Variants in CBLB observed in about 807,000 individuals in gnomAD.
CBLB encodes E3 ubiquitin-protein ligase CBL-B.
A neutral mutation model predicts 104.9 loss-of-function variants in CBLB; 31 were observed. That is an observed-to-expected ratio of 0.30 (90% confidence interval 0.22 to 0.40). CBLB has a LOEUF of 0.40. Ranked by LOEUF, CBLB falls within the 10% of genes least tolerant of loss-of-function variation. The pLI is 1.00. For missense variants in CBLB, 1,062 were observed against 1,214.6 expected (o/e 0.87, Z 1.87); for synonymous variants, 440 against 422.6 (o/e 1.04, Z -0.51).
intron 3 of CBLB, among the ~76,000 whole-genome samples, chr3:105,847,498 A>G (rs1033922886): frequency 6.6e-6 from 1 of 151,916 alleles, no homozygotes; most frequent in African/African-American, 2.4e-5. Context: ...CTGAAATGAC[A>G]TTAATGTTAA....
At chr3:105,823,159 T>C (rs1431425867) in intron 3 of CBLB, among the ~76,000 whole-genome samples, 1 of 152,180 alleles carries the variant, frequency 6.6e-6, no homozygotes, top group Non-Finnish European at 1.5e-5. Flanking sequence ...AATGCAAACA[T>C]TGTCTCTGAC....
intron 18 of CBLB, among the ~76,000 whole-genome samples, chr3:105,664,916 G>A (rs1017617441): frequency 6.6e-6 from 1 of 152,072 alleles, no homozygotes; most frequent in Non-Finnish European, 1.5e-5. Flanking sequence ...GTCTGGAGAC[G>A]TGAGATGCAT....
chr3:105,696,410 C>T (rs2152764344), intron 12 of CBLB, among the ~76,000 whole-genome samples: 1 of 151,894 alleles, frequency 6.6e-6, no homozygotes, highest in South Asian at 2.1e-4. Flanking sequence ...ATTTTAGCTG[C>T]CACTACCTGA....
At chr3:105,748,391 A>G (rs1343315425) in intron 5 of CBLB, among the ~76,000 whole-genome samples, 4 of 152,098 alleles carry the variant, frequency 2.6e-5, no homozygotes, top group African/African-American at 9.7e-5. Flanking sequence ...TCACTATTCC[A>G]TTGATGCTAC....
chr3:105,805,032 C>T (rs2083332293), intron 3 of CBLB, among the ~76,000 whole-genome samples: 1 of 152,154 alleles, frequency 6.6e-6, no homozygotes, highest in African/African-American at 2.4e-5. Flanking sequence ...CAGGCCCTTA[C>T]CATCACTTAT....
At chr3:105,672,231 A>G (rs2065144860) in intron 17 of CBLB, 2 of 186,026 alleles carry the variant, frequency 1.1e-5, no homozygotes, top group South Asian at 2.0e-4. Context: ...CTTCAGAGCC[A>G]TACATAGACT....
intron 4 of CBLB, 40 bp downstream of exon 4, chr3:105,776,356 G>A (rs1387569441): frequency 6.3e-7 from 1 of 1,587,990 alleles, no homozygotes; most frequent in East Asian, 2.2e-5. Context: ...AGTAACCCTT[G>A]AAAGATAGAT....
chr3:105,733,887 CTT>C (rs2074614077), intron 9 of CBLB, 120 bp downstream of exon 9: 2 of 844,090 alleles, frequency 2.4e-6, no homozygotes, highest in Non-Finnish European at 3.8e-6. Flanking sequence ...CATATAAAAT[CTT>C]TACACAATCA....
intron 6 of CBLB, among the ~76,000 whole-genome samples, chr3:105,744,966 A>G (rs536647707): frequency 9.7e-4 from 147 of 152,146 alleles, no homozygotes; most frequent in Non-Finnish European, 1.6e-3. Context: ...AAAATGTTAT[A>G]AAGTACAAAC....
At chr3:105,766,402 G>T (rs1484123917) in intron 4 of CBLB, among the ~76,000 whole-genome samples, 6 of 152,128 alleles carry the variant, frequency 3.9e-5, no homozygotes, top group Non-Finnish European at 8.8e-5. Context: ...ACTCTATTGT[G>T]AGTAAAATAT....
In CBLB at chr3:105,805,408, G is replaced by A. The variant is rs76000680; in HGVS notation, c.420-28866C>T. Among the ~76,000 whole-genome samples the A allele has an allele frequency of 6.5e-3, 988 of 151,630 alleles. 33 individuals carry two copies. The highest frequency in any genetic ancestry group is 0.053 in the East Asian group (272 of 5,146). On this transcript the variant is annotated intron_variant, in intron 3 of 18. Coordinates refer to ENST00000394030, the MANE Select transcript of CBLB (RefSeq NM_170662.5). ...CAACCTCTGCCTTCCAGGTTCAAGC[G>A]ATTCCTGTGCCTCAGCTTCCCAAAT...
intron 3 of CBLB, among the ~76,000 whole-genome samples, chr3:105,843,082 G>A (rs903001859): frequency 6.6e-6 from 1 of 152,130 alleles, no homozygotes; most frequent in African/African-American, 2.4e-5. Flanking sequence ...GACTGTCTAT[G>A]TCTGCTTTCC....
chr3:105,811,188 G>A lies in CBLB; in HGVS notation c.420-34646C>T, dbSNP rs554725277. Among the ~76,000 whole-genome samples the A allele has an allele frequency of 3.3e-5, 5 of 152,246 alleles. No individual in the cohort carries two copies. In the East Asian group the frequency reaches 7.7e-4, roughly 23 times the overall value. On this transcript the variant is annotated intron_variant, in intron 3 of 18. Transcript: ENST00000394030. ...AAGTAGGATTTTAATTCTAATTTTT[G>A]ACATAGATCCAAGTTGATAGAACTA...
intron 9 of CBLB, among the ~76,000 whole-genome samples, chr3:105,722,038 A>G (rs548961892): frequency 6.6e-6 from 1 of 151,906 alleles, no homozygotes; most frequent in Non-Finnish European, 1.5e-5. Context: ...ATAAAAAATA[A>G]ATGTTTAAAA....
rs1173205759 is a variant in CBLB at position 105,658,638 on chromosome 3, C to G, written c.*332G>C. The G allele has an allele frequency of 2.8e-5, 11 of 399,344 alleles. No homozygotes were observed. Among genetic ancestry groups the G allele is most frequent in the African/African-American group, 2.0e-4 (10 of 50,736 alleles). 24.7% of individuals were successfully genotyped at this position (399,344 alleles called of 1,614,324 possible). On this transcript the variant is annotated 3_prime_UTR_variant, in exon 19 of 19. Transcript: ENST00000394030. ...ATCAAAACACCAAAACAAAACTAAA[C>G]TAAAAACAAGAACAAACTGCAACTT...
chr3:105,658,589 G>T lies in CBLB; in HGVS notation c.*381C>A. 1 of 313,766 alleles carries T rather than the reference G, an allele frequency of 3.2e-6. No homozygotes were observed. Among genetic ancestry groups the T allele is most frequent in the African/African-American group, 2.1e-5 (1 of 48,358 alleles). 19.4% of individuals were successfully genotyped at this position (313,766 alleles called of 1,614,324 possible). A position where few individuals can be genotyped will look rare whatever the true frequency, so the allele number is the denominator to read the frequency against. On this transcript the variant is annotated 3_prime_UTR_variant, in exon 19 of 19. Coordinates refer to ENST00000394030, the MANE Select transcript of CBLB (RefSeq NM_170662.5). ...AGCAGACCTGACCACGCTACAAAGG[G>T]TCTGTGAAGAACACAGTACAGGTAT...
intron 3 of CBLB, among the ~76,000 whole-genome samples, chr3:105,785,993 T>C (rs2080942290): frequency 7.5e-6 from 1 of 134,138 alleles, no homozygotes; most frequent in Admixed American, 8.3e-5. Flanking sequence ...GTGGGGCCCT[T>C]TGAAGGATGG....
At chr3:105,789,332 AT>A (rs1424725850) in intron 3 of CBLB, among the ~76,000 whole-genome samples, 3 of 152,178 alleles carry the variant, frequency 2.0e-5, no homozygotes, top group African/African-American at 7.2e-5. Context: ...TTATTTAAGA[AT>A]TTTATTCTTG....
Position 105,868,974 on chromosome 3 carries a change from G to A in CBLB, c.-253C>T. 9.7e-7 allele frequency: 1 copy of A among 1,026,042 alleles called. No homozygotes were observed. Among genetic ancestry groups the A allele is most frequent in the Non-Finnish European group, 1.2e-6 (1 of 856,460 alleles). 63.6% of individuals were successfully genotyped at this position (1,026,042 alleles called of 1,614,324 possible). ...CGACTCGGGGAGGCCGCGGGACGCC[G>A]CAGCAGCACTAGCAGGAGGAGGAGA... is the stretch of plus-strand genomic sequence containing the variant. On this transcript the variant is annotated 5_prime_UTR_variant, in exon 1 of 19. Coordinates refer to ENST00000394030, the MANE Select transcript of CBLB (RefSeq NM_170662.5).
Sources: allele counts gnomAD v4.1 joint callset (sites outside exome capture counted in the v4.1 genomes callset), GRCh38; gene constraint gnomAD v4.1.1; transcripts MANE v1.5; gene names NCBI Gene and HGNC (gene_info 2026-07-23, HGNC 2026-07-21).